PEPD: variants seen among roughly 807,000 people sequenced by gnomAD.
PEPD encodes the protein peptidase D.
In PEPD, 53 loss-of-function variants were observed where a neutral mutation model predicts 60.7. The ratio of observed to expected loss-of-function variants is 0.87; its 90% CI spans 0.70 to 1.10. The LOEUF is 1.10. Among genes scored for constraint, PEPD ranks in the 50% least tolerant of loss-of-function variants. PEPD has a pLI of 0.00. For missense variants in PEPD, 711 were observed against 711.9 expected (o/e 1.00, Z 0.01); for synonymous variants, 267 against 284.1 (o/e 0.94, Z 0.60).
intron 9 of PEPD, among the ~76,000 whole-genome samples, chr19:33,421,109 G>A (rs1040189732): frequency 6.6e-6 from 1 of 152,184 alleles, no homozygotes; most frequent in South Asian, 2.1e-4. Flanking sequence ...GTGGGTGAGC[G>A]TTCGGGTTGT....
chr19:33,508,481 T>C (rs1021270675), intron 3 of PEPD, among the ~76,000 whole-genome samples: 5 of 152,206 alleles, frequency 3.3e-5, no homozygotes, highest in African/African-American at 1.2e-4. Flanking sequence ...ACCAATCATG[T>C]TCATGGACTC....
At chr19:33,422,558 CCAT>C (rs950850702) in intron 9 of PEPD, among the ~76,000 whole-genome samples, 2 of 151,792 alleles carry the variant, frequency 1.3e-5, no homozygotes, top group African/African-American at 4.8e-5. Flanking sequence ...ATCCATCCAT[CCAT>C]CACTCTATAT....
At chr19:33,405,645 G>A (rs1020331417) in intron 11 of PEPD, among the ~76,000 whole-genome samples, 1 of 152,254 alleles carries the variant, frequency 6.6e-6, no homozygotes, top group African/African-American at 2.4e-5. Context: ...GGGTGCATGG[G>A]CCGGCTGCCT....
intron 9 of PEPD, among the ~76,000 whole-genome samples, chr19:33,460,386 G>C (rs1969904175): frequency 6.6e-6 from 1 of 152,122 alleles, no homozygotes; most frequent in African/African-American, 2.4e-5. Flanking sequence ...CCACCTCCCT[G>C]GCTGCAGATG....
At chr19:33,485,869 C>T (rs1600153622) in intron 6 of PEPD, among the ~76,000 whole-genome samples, 2 of 151,852 alleles carry the variant, frequency 1.3e-5, no homozygotes, top group East Asian at 1.9e-4. Flanking sequence ...TGGCAGGAAA[C>T]GGAGCCCCTG....
chr19:33,459,242 C>T (rs1969882717), intron 9 of PEPD, among the ~76,000 whole-genome samples: 2 of 152,140 alleles, frequency 1.3e-5, no homozygotes, highest in Non-Finnish European at 2.9e-5. Context: ...CTCATGACCC[C>T]CCAGAAACAA....
intron 9 of PEPD, among the ~76,000 whole-genome samples, chr19:33,417,483 C>T (rs1968914719): frequency 6.6e-6 from 1 of 152,210 alleles, no homozygotes; most frequent in Non-Finnish European, 1.5e-5. Context: ...TGGGACTCAA[C>T]ACCAACCTCA....
In PEPD at chr19:33,465,119, A is replaced by G. The variant is rs552632145; in HGVS notation, c.549-1057T>C. On this transcript the variant is annotated intron_variant, in intron 7 of 14. Coordinates refer to ENST00000244137, the MANE Select transcript of PEPD (RefSeq NM_000285.4). ...AGAACGGAGTTGGCATTTTTAAAGCACTAAGGACAGTGCCTGGCACACAGT... is the reference window on the plus strand; with the variant it reads ...AGAACGGAGTTGGCATTTTTAAAGCGCTAAGGACAGTGCCTGGCACACAGT... Among the ~76,000 whole-genome samples, 15 of 152,328 alleles carry G rather than the reference A, an allele frequency of 9.8e-5. No homozygotes were observed. In the East Asian group the frequency reaches 2.7e-3, roughly 27 times the overall value.
At chr19:33,517,694 C>T (rs33836) in intron 1 of PEPD, among the ~76,000 whole-genome samples, 58,918 of 151,634 alleles carry the variant, frequency 0.39, 12,846 homozygotes, top group South Asian at 0.56. Flanking sequence ...TGGCCAGGTG[C>T]GGTGGCTCAC....
intron 6 of PEPD, among the ~76,000 whole-genome samples, chr19:33,480,601 C>T (rs975054746): frequency 1.3e-5 from 2 of 152,126 alleles, no homozygotes; most frequent in Non-Finnish European, 2.9e-5. Flanking sequence ...TCCAGACCAT[C>T]CTGGCCAATA....
intron 4 of PEPD, among the ~76,000 whole-genome samples, chr19:33,499,741 A>G (rs538374653): frequency 7.1e-4 from 108 of 152,318 alleles, no homozygotes; most frequent in African/African-American, 2.4e-3. Flanking sequence ...GGAGAAAGAC[A>G]GAGAAATGGA....
chr19:33,421,946 GC>G (rs1191216490), intron 9 of PEPD, among the ~76,000 whole-genome samples: 4 of 151,908 alleles, frequency 2.6e-5, no homozygotes, highest in African/African-American at 9.7e-5. Context: ...GGTCTGGCTG[GC>G]CCCCCTGCTT....
intron 7 of PEPD, among the ~76,000 whole-genome samples, chr19:33,476,772 T>C (rs1345827080): frequency 6.6e-6 from 1 of 152,150 alleles, no homozygotes; most frequent in Admixed American, 6.5e-5. Context: ...CACACCATTC[T>C]CCTGCCTCAG....
intron 11 of PEPD, among the ~76,000 whole-genome samples, chr19:33,408,532 G>A (rs776263629): frequency 2.0e-5 from 3 of 152,230 alleles, no homozygotes; most frequent in Non-Finnish European, 4.4e-5. Flanking sequence ...GGATGGAAAA[G>A]GCTGGCCTCC....
intron 9 of PEPD, among the ~76,000 whole-genome samples, chr19:33,422,897 AATC>A (rs1320350953): frequency 6.7e-6 from 1 of 149,772 alleles, no homozygotes; most frequent in Non-Finnish European, 1.5e-5. Context: ...TTCCTCTATC[AATC>A]ATCTATTTCT....
At chr19:33,444,836 C>T (rs766692731) in intron 9 of PEPD, among the ~76,000 whole-genome samples, 1 of 152,128 alleles carries the variant, frequency 6.6e-6, no homozygotes, top group Non-Finnish European at 1.5e-5. Flanking sequence ...TGGCAAGTGC[C>T]GGAGATCCTC....
intron 9 of PEPD, among the ~76,000 whole-genome samples, chr19:33,426,355 C>T (rs1267717517): frequency 6.6e-6 from 1 of 152,236 alleles, no homozygotes; most frequent in Non-Finnish European, 1.5e-5. Context: ...CATCAAATTG[C>T]TTTTTCAGCC....
chr19:33,480,440 G>C (rs1198550099), intron 6 of PEPD, among the ~76,000 whole-genome samples: 2 of 152,202 alleles, frequency 1.3e-5, no homozygotes, highest in African/African-American at 4.8e-5. Flanking sequence ...ACAATAGTTG[G>C]AGACGTCAAT....
At chr19:33,465,100 G>T (rs1193874276) in intron 7 of PEPD, among the ~76,000 whole-genome samples, 1 of 152,162 alleles carries the variant, frequency 6.6e-6, no homozygotes, top group Non-Finnish European at 1.5e-5. Context: ...AGTGAGAACG[G>T]AGTTGGCATT....
Sources: gnomAD v4.1 joint callset for allele counts (sites outside exome capture counted in the v4.1 genomes callset) on GRCh38, gnomAD v4.1.1 for gene constraint, MANE v1.5 for transcripts, NCBI Gene and HGNC (gene_info 2026-07-23, HGNC 2026-07-21) for gene names.